SOD1: variants seen among roughly 807,000 people sequenced by gnomAD.
SOD1 encodes superoxide dismutase [Cu-Zn].
Under a neutral mutation model 15.9 loss-of-function variants are expected in SOD1, and 8 were observed. The observed-to-expected ratio is 0.50, with a 90% CI of 0.30 to 0.91. The LOEUF is 0.91. Among genes scored for constraint, SOD1 ranks in the 40% least tolerant of loss-of-function variants. The pLI is 0.07. For synonymous variants in SOD1, 86 were observed against 71.2 expected (o/e 1.21, Z -1.04); for missense variants, 137 against 194.5 (o/e 0.70, Z 1.76).
chr21:31,659,839 A>C lies in SOD1; in HGVS notation c.70A>C (p.Lys24Gln). Residue 24 changes from lysine (K) to glutamine (Q), a missense_variant and splice_region_variant, in exon 1 of 5, where the codon AAG becomes CAG. By Grantham distance (53) the Lys-to-Gln change is moderately conservative. Transcript: ENST00000270142. ...GCAGGGCATCATCAATTTCGAGCAG[A>C]AGGCAAGGGCTGGGACGGAGGCTTG... Reference protein sequence around the residue: ...PVQGIINFEQKESNGPVKVWG... With the variant: ...PVQGIINFEQQESNGPVKVWG... 1 of 1,613,366 alleles carries C rather than the reference A, an allele frequency of 6.2e-7. No individual in the cohort carries two copies. Among genetic ancestry groups the C allele is most frequent in the Non-Finnish European group, 8.5e-7 (1 of 1,179,762 alleles).
intron 1 of SOD1, among the ~76,000 whole-genome samples, chr21:31,662,058 T>C (rs1400324581): frequency 1.3e-5 from 2 of 152,200 alleles, no homozygotes; most frequent in African/African-American, 4.8e-5. Flanking sequence ...GCAGTTCATA[T>C]ATTTTTTCGC....
At chr21:31,666,054 C>G (rs1050966407) in intron 2 of SOD1, among the ~76,000 whole-genome samples, 4 of 150,942 alleles carry the variant, frequency 2.7e-5, no homozygotes, top group Non-Finnish European at 4.4e-5. Context: ...TCACTGCAAC[C>G]TCTGCCTCCC....
chr21:31,662,619 G>C (rs778472402), intron 1 of SOD1, among the ~76,000 whole-genome samples: 6 of 152,190 alleles, frequency 3.9e-5, no homozygotes, highest in Non-Finnish European at 7.3e-5. Context: ...CTAGGTTTCA[G>C]TGCTTGAAAA....
chr21:31,667,748 A>G (rs2049609006), intron 4 of SOD1, among the ~76,000 whole-genome samples: 1 of 152,170 alleles, frequency 6.6e-6, no homozygotes, highest in South Asian at 2.1e-4. Context: ...ATTCATGTTC[A>G]TTCATGTTCA....
intron 1 of SOD1, among the ~76,000 whole-genome samples, chr21:31,662,827 A>C (rs1009964995): frequency 6.6e-6 from 1 of 152,192 alleles, no homozygotes; most frequent in Non-Finnish European, 1.5e-5. Context: ...ATCCTGGCTA[A>C]CACGGTGAAA....
At chr21:31,664,156 A>G (rs1281004503) in intron 2 of SOD1, 5 of 392,152 alleles carry the variant, frequency 1.3e-5, no homozygotes, top group Non-Finnish European at 2.0e-5. Flanking sequence ...ATTTTTTTCT[A>G]GAGGTGGGGT....
At chr21:31,662,974 C>T (rs1213558416) in intron 1 of SOD1, among the ~76,000 whole-genome samples, 2 of 150,998 alleles carry the variant, frequency 1.3e-5, no homozygotes, top group African/African-American at 4.9e-5. Flanking sequence ...GAGATCATGT[C>T]ACTGCACTCC....
At chr21:31,667,108 G>A (rs1227111136) in intron 3 of SOD1, 150 bp from the exon 4 acceptor site, 24 of 689,700 alleles carry the variant, frequency 3.5e-5, no homozygotes, top group African/African-American at 3.5e-5. Flanking sequence ...GTGTGTAGAC[G>A]TGAAGCCTTG....
chr21:31,661,103 G>A (rs1312991268), intron 1 of SOD1, among the ~76,000 whole-genome samples: 2 of 152,072 alleles, frequency 1.3e-5, no homozygotes, highest in African/African-American at 4.8e-5. Flanking sequence ...TCTTGCACTC[G>A]GCTTAAAAAT....
At position 31,663,868 on chromosome 21, in the gene SOD1, T is replaced by C; in HGVS notation, c.151T>C (p.Phe51Leu). ...EGLHGFHVHE[F>L]GDNTAGCTSA... is the part of the protein sequence containing the mutation. ...CCTGCATGGATTCCATGTTCATGAG[T>C]TTGGAGATAATACAGCAGGTGGGTG... Residue 51 changes from phenylalanine (F) to leucine (L), a missense_variant, in exon 2 of 5, where the codon TTT (phenylalanine) becomes CTT (leucine). By Grantham distance (22) the Phe-to-Leu change is conservative. Coordinates refer to ENST00000270142, the MANE Select transcript of SOD1 (RefSeq NM_000454.5). 2 of 1,613,164 alleles carry C rather than the reference T, an allele frequency of 1.2e-6. No individual in the cohort carries two copies. The highest frequency in any genetic ancestry group is 1.7e-6 in the Non-Finnish European group (2 of 1,179,222).
chr21:31,660,068 G>C (rs988986434), intron 1 of SOD1: 1 of 236,992 alleles, frequency 4.2e-6, no homozygotes, highest in African/African-American at 2.3e-5. Flanking sequence ...AGGCCGCCGC[G>C]GGGCTGGGCC....
intron 2 of SOD1, chr21:31,664,477 G>T (rs1305963577): frequency 6.2e-6 from 1 of 161,440 alleles, no homozygotes; most frequent in Non-Finnish European, 1.4e-5. Flanking sequence ...ATTTGGTGTA[G>T]TGTGTCTTTA....
At chr21:31,668,913 AATCCAAATTCAAACTAAATTAGCTCTG>A in exon 5 of SOD1, 1 of 275,486 alleles carries the variant, frequency 3.6e-6, no homozygotes, top group South Asian at 4.3e-5. Context: ...CTATTAAAAG[AATCCAAATTCAAACTAAATTAGCTCTG>A]ATACTTATTT....
intron 1 of SOD1, among the ~76,000 whole-genome samples, chr21:31,662,381 G>T (rs570171978): frequency 5.3e-5 from 8 of 152,264 alleles, no homozygotes; most frequent in African/African-American, 1.9e-4. Context: ...ACATCTTAAG[G>T]GTTAATGCCC....
In SOD1 at chr21:31,667,246, TTTCA is replaced by T. The variant is rs770449123; in HGVS notation, c.240-9_240-6del. 5 of 1,601,814 alleles carry T rather than the reference TTTCA, an allele frequency of 3.1e-6. No individual in the cohort carries two copies. In the African/African-American group the frequency reaches 6.7e-5, roughly 21 times the overall value. On this transcript the variant is annotated splice_polypyrimidine_tract_variant and splice_region_variant and intron_variant, in intron 3 of 4. Coordinates refer to ENST00000270142, the MANE Select transcript of SOD1 (RefSeq NM_000454.5). ...ATCAGCCCTAATCCATCTGATGCTT[TTTCA>T]TTATTAGGCATGTTGGAGACTTGGG...
rs1442482518 is a variant in SOD1, at chr21:31,659,703, C to T, written c.-67C>T. On this transcript the variant is annotated 5_prime_UTR_variant, in exon 1 of 5. Transcript: ENST00000270142. ...ACGGGGTGCTGGTTTGCGTCGTAGT[C>T]TCCTGCAGCGTCTGGGGTTTCCGTT... 7 of 1,537,142 alleles carry T rather than the reference C, an allele frequency of 4.6e-6. No individual in the cohort carries two copies. Among genetic ancestry groups the T allele is most frequent in the Non-Finnish European group, 6.3e-6 (7 of 1,111,042 alleles).
At chr21:31,663,151 G>A (rs1189199294) in intron 1 of SOD1, among the ~76,000 whole-genome samples, 1 of 150,208 alleles carries the variant, frequency 6.7e-6, no homozygotes, top group African/African-American at 2.5e-5. Flanking sequence ...AGTCAAGTGA[G>A]TATGCCATAT....
chr21:31,667,409 C>A (rs2049605113), intron 4 of SOD1, 34 bp downstream of exon 4: 3 of 1,350,578 alleles, frequency 2.2e-6, no homozygotes, highest in Middle Eastern at 1.8e-4. Context: ...CATAAAACTT[C>A]TTCTAACATA....
chr21:31,660,496 A>T (rs527796894), intron 1 of SOD1: 7 of 152,356 alleles, frequency 4.6e-5, no homozygotes, highest in East Asian at 3.9e-4. Flanking sequence ...CTAGGTCATG[A>T]TTGGGCTGCA....
Sources: allele counts gnomAD v4.1 joint callset (sites outside exome capture counted in the v4.1 genomes callset), GRCh38; gene constraint gnomAD v4.1.1; transcripts MANE v1.5; gene names NCBI Gene and HGNC (gene_info 2026-07-23, HGNC 2026-07-21).